The following TBX15 variants were observed in gnomAD, a reference collection of about 807,000 sequenced individuals.
TBX15 encodes T-box transcription factor TBX15.
Under a neutral mutation model 53.9 loss-of-function variants are expected in TBX15, and 18 were observed. The ratio of observed to expected loss-of-function variants is 0.33; its 90% CI spans 0.23 to 0.49. The LOEUF (loss-of-function observed/expected upper bound fraction) is 0.49. TBX15 is among the 20% of genes least tolerant of loss of function. The pLI is 0.98. For synonymous variants in TBX15, 295 were observed against 278.0 expected (o/e 1.06, Z -0.61); for missense variants, 692 against 749.5 (o/e 0.92, Z 0.90).
chr1:118,964,041 A>G (rs1412140044), intron 1 of TBX15, among the ~76,000 whole-genome samples: 1 of 152,168 alleles, frequency 6.6e-6, no homozygotes, highest in Non-Finnish European at 1.5e-5. Flanking sequence ...CATTTAAGCC[A>G]CCCCAGCTGA....
chr1:118,883,637 C>T lies in TBX15; in HGVS notation c.*1095G>A, dbSNP rs780281665. ...TTCCTTCTTCACACCCTTTTATTTT[C>T]CTTCCCCTACCAGGCTGCATGCTGT... On this transcript the variant is annotated 3_prime_UTR_variant, in exon 8 of 8. Transcript: ENST00000369429. The T allele has an allele frequency of 2.6e-5, 4 of 152,206 alleles. No homozygotes were observed. Among genetic ancestry groups the T allele is most frequent in the Admixed American group, 6.5e-5 (1 of 15,268 alleles). The allele number at this position is 152,206 out of a possible 1,614,324, so 9.4% of individuals were successfully genotyped here. A position where few individuals can be genotyped will look rare whatever the true frequency, so the allele number is the denominator to read the frequency against.
intron 1 of TBX15, among the ~76,000 whole-genome samples, chr1:118,948,912 A>C (rs1204763000): frequency 6.6e-6 from 1 of 152,216 alleles, no homozygotes; most frequent in African/African-American, 2.4e-5. Flanking sequence ...GTTTCTTATC[A>C]TGCTCCTAAA....
At chr1:118,931,972 G>A in intron 1 of TBX15, 140 bp from the exon 2 acceptor site, 1 of 728,128 alleles carries the variant, frequency 1.4e-6, no homozygotes, top group Non-Finnish European at 2.2e-6. Flanking sequence ...AAGCTCCAGA[G>A]CACAGCACTC....
intron 1 of TBX15, among the ~76,000 whole-genome samples, chr1:118,955,780 C>G (rs1656669759): frequency 6.6e-6 from 1 of 152,154 alleles, no homozygotes; most frequent in Non-Finnish European, 1.5e-5. Context: ...TTTAGTAAGA[C>G]CCAAGGATTA....
chr1:118,984,133 A>G (rs1178819638), intron 1 of TBX15, among the ~76,000 whole-genome samples: 3 of 152,234 alleles, frequency 2.0e-5, no homozygotes, highest in Admixed American at 6.5e-5. Context: ...GGCTTTTCCT[A>G]TCTCATTTCA....
intron 1 of TBX15, among the ~76,000 whole-genome samples, chr1:118,957,871 T>C (rs1358090977): frequency 6.6e-6 from 1 of 152,234 alleles, no homozygotes; most frequent in Non-Finnish European, 1.5e-5. Flanking sequence ...CAGTCTATCA[T>C]TGTTGGACAT....
chr1:118,889,450 G>A (rs979011004), intron 7 of TBX15, among the ~76,000 whole-genome samples: 1 of 152,194 alleles, frequency 6.6e-6, no homozygotes. Context: ...CACCAGTCCA[G>A]GCCAGGCCAT....
At chr1:118,901,683 C>CATCTTGAA (rs1200204654) in intron 6 of TBX15, among the ~76,000 whole-genome samples, 2 of 152,016 alleles carry the variant, frequency 1.3e-5, no homozygotes, top group African/African-American at 2.4e-5. Context: ...CTTATGACAC[C>CATCTTGAA]ATCTTGAATG....
In TBX15 at chr1:118,987,999, G is replaced by C. The variant is rs1029665937; in HGVS notation, c.-204C>G. Reference sequence around the variant, plus strand: ...TGCCGGATCCGACCTGCGCCCCTACGCTGGCCCAGCTGCTAGGAACTAGCG... The same window carrying C: ...TGCCGGATCCGACCTGCGCCCCTACCCTGGCCCAGCTGCTAGGAACTAGCG... On this transcript the variant is annotated 5_prime_UTR_variant, in exon 1 of 8. Transcript: ENST00000369429. 1.5e-6 allele frequency: 1 copy of C among 658,990 alleles called. No homozygotes were observed. The highest frequency in any genetic ancestry group is 2.0e-5 in the South Asian group (1 of 50,456). 40.8% of individuals were successfully genotyped at this position (658,990 alleles called of 1,614,324 possible).
intron 6 of TBX15, among the ~76,000 whole-genome samples, chr1:118,904,238 A>G (rs969467818): frequency 3.3e-5 from 5 of 152,126 alleles, no homozygotes; most frequent in Admixed American, 1.3e-4. Flanking sequence ...GAAAGGACAT[A>G]TAACTAGAAT....
At position 118,987,941 on chromosome 1, in the gene TBX15, C is replaced by T. The variant is rs1051427226; in HGVS notation, c.-146G>A. 101 of 964,582 alleles carry T rather than the reference C, an allele frequency of 1.0e-4. No homozygotes were observed. In the East Asian group the frequency reaches 2.5e-3, roughly 23 times the overall value. 59.8% of individuals were successfully genotyped at this position (964,582 alleles called of 1,614,324 possible). A position where few individuals can be genotyped will look rare whatever the true frequency, so the allele number is the denominator to read the frequency against. On this transcript the variant is annotated 5_prime_UTR_variant, in exon 1 of 8. Transcript: ENST00000369429. ...TGAGACTGCGGCTCGCGGGTCTCTC[C>T]ACCCTCCCCCTGCGTCCTCCTCCGC...
At chr1:118,892,132 C>T (rs962604677) in intron 7 of TBX15, among the ~76,000 whole-genome samples, 11 of 142,912 alleles carry the variant, frequency 7.7e-5, no homozygotes, top group South Asian at 2.2e-4. Context: ...ATTTCAGCTA[C>T]GTAAATAGAC....
intron 7 of TBX15, among the ~76,000 whole-genome samples, chr1:118,888,091 A>T (rs1325600109): frequency 6.6e-6 from 1 of 152,190 alleles, no homozygotes; most frequent in Non-Finnish European, 1.5e-5. Context: ...AAGTAAAATG[A>T]TTTTTATTCC....
intron 1 of TBX15, among the ~76,000 whole-genome samples, chr1:118,940,024 A>G (rs1656117611): frequency 6.6e-6 from 1 of 151,948 alleles, no homozygotes; most frequent in Non-Finnish European, 1.5e-5. Flanking sequence ...TTAGTCTGAC[A>G]CTAGAGTTGA....
intron 7 of TBX15, among the ~76,000 whole-genome samples, chr1:118,891,246 AT>A (rs1311025619): frequency 2.6e-5 from 4 of 152,200 alleles, no homozygotes; most frequent in African/African-American, 9.7e-5. Context: ...CTTTGAATAT[AT>A]TCATCCAATT....
intron 2 of TBX15, among the ~76,000 whole-genome samples, chr1:118,930,918 T>C (rs1655762030): frequency 6.6e-6 from 1 of 152,240 alleles, no homozygotes; most frequent in Non-Finnish European, 1.5e-5. Flanking sequence ...ATATATGGGA[T>C]GATTATGTCC....
chr1:118,983,959 C>T (rs1571223394), intron 1 of TBX15, among the ~76,000 whole-genome samples: 2 of 152,318 alleles, frequency 1.3e-5, no homozygotes, highest in Middle Eastern at 3.4e-3. Flanking sequence ...ACCCTGTTAC[C>T]CTATTGGGGG....
At chr1:118,967,023 G>A (rs917672344) in intron 1 of TBX15, among the ~76,000 whole-genome samples, 1 of 152,104 alleles carries the variant, frequency 6.6e-6, no homozygotes, top group Non-Finnish European at 1.5e-5. Context: ...TTAATTAATA[G>A]GGCACTTATT....
At chr1:118,972,469 G>T (rs1472836496) in intron 1 of TBX15, among the ~76,000 whole-genome samples, 2 of 152,150 alleles carry the variant, frequency 1.3e-5, no homozygotes, top group Admixed American at 1.3e-4. Flanking sequence ...AGCAATAATG[G>T]CATGGAAGAG....
Sources: allele counts gnomAD v4.1 joint callset (sites outside exome capture counted in the v4.1 genomes callset), GRCh38; gene constraint gnomAD v4.1.1; transcripts MANE v1.5; gene names NCBI Gene and HGNC (gene_info 2026-07-23, HGNC 2026-07-21).